Variants in CNTN3 observed in about 807,000 individuals in gnomAD.
CNTN3 encodes contactin 3, also known as contactin-3.
Under a neutral mutation model 119.1 loss-of-function variants are expected in CNTN3, and 60 were observed. That is an observed-to-expected ratio of 0.50 (90% CI 0.41 to 0.62). The LOEUF (loss-of-function observed/expected upper bound fraction) is 0.62, where lower values mean the gene tolerates loss of function less well. Among genes scored for constraint, CNTN3 ranks in the 20% least tolerant of loss-of-function variants. The pLI is 0.00. For synonymous variants in CNTN3, 450 were observed against 438.7 expected, an observed-to-expected ratio of 1.03 and a Z score of -0.32; for missense variants, 1,101 against 1,242.4, an observed-to-expected ratio of 0.89 and a Z score of 1.71.
At chr3:74,346,229 C>T (rs933094957) in intron 11 of CNTN3, among the ~76,000 whole-genome samples, 1 of 151,964 alleles carries the variant, frequency 6.6e-6, no homozygotes, top group Non-Finnish European at 1.5e-5. Context: ...CTACTATTTT[C>T]TTAAGTAAAT....
intron 1 of CNTN3, among the ~76,000 whole-genome samples, chr3:74,595,602 C>G (rs1273502849): frequency 6.6e-6 from 1 of 152,132 alleles, no homozygotes; most frequent in Admixed American, 6.6e-5. Context: ...ATGATTATCT[C>G]AATAGATGCA....
intron 11 of CNTN3, among the ~76,000 whole-genome samples, chr3:74,354,334 A>T (rs1443569047): frequency 6.6e-6 from 1 of 152,118 alleles, no homozygotes; most frequent in Non-Finnish European, 1.5e-5. Flanking sequence ...CATTCAAATG[A>T]AGGATCCCAT....
At chr3:74,497,300 G>A (rs751573367) in intron 3 of CNTN3, among the ~76,000 whole-genome samples, 1 of 151,846 alleles carries the variant, frequency 6.6e-6, no homozygotes, top group African/African-American at 2.4e-5. Context: ...GTGAAATATT[G>A]CCTAGCTGAA....
intron 5 of CNTN3, among the ~76,000 whole-genome samples, chr3:74,403,437 A>T (rs1705248117): frequency 6.6e-6 from 1 of 152,158 alleles, no homozygotes; most frequent in African/African-American, 2.4e-5. Flanking sequence ...GTCACAAAGC[A>T]CTAGGTGGTT....
At chr3:74,528,683 T>C (rs2107132493) in intron 1 of CNTN3, among the ~76,000 whole-genome samples, 1 of 152,030 alleles carries the variant, frequency 6.6e-6, no homozygotes, top group East Asian at 1.9e-4. Context: ...TAGATACCAA[T>C]GGAATGCTTA....
intron 1 of CNTN3, among the ~76,000 whole-genome samples, chr3:74,527,879 C>T (rs1703641881): frequency 1.3e-5 from 2 of 151,894 alleles, no homozygotes; most frequent in Admixed American, 1.3e-4. Flanking sequence ...AACAGTGTTG[C>T]AGGATTTTGA....
chr3:74,321,520 A>T (rs145790970), intron 13 of CNTN3, among the ~76,000 whole-genome samples: 8 of 152,084 alleles, frequency 5.3e-5, no homozygotes, highest in Non-Finnish European at 1.2e-4. Context: ...AATAGAGCAA[A>T]TCAGATCCAA....
chr3:74,369,105 A>G (rs1209955581), intron 8 of CNTN3, 84 bp downstream of exon 8: 3 of 1,024,754 alleles, frequency 2.9e-6, no homozygotes, highest in Non-Finnish European at 4.0e-6. Flanking sequence ...TTCTGCTATA[A>G]TCTCTCACCC....
intron 1 of CNTN3, among the ~76,000 whole-genome samples, chr3:74,565,574 G>A (rs759286600): frequency 1.3e-5 from 2 of 152,058 alleles, no homozygotes; most frequent in Non-Finnish European, 2.9e-5. Flanking sequence ...GACACATTTC[G>A]GGGACCATTA....
At chr3:74,271,696 G>C (rs974142530) in intron 20 of CNTN3, among the ~76,000 whole-genome samples, 1 of 152,098 alleles carries the variant, frequency 6.6e-6, no homozygotes, top group Non-Finnish European at 1.5e-5. Context: ...TAGAAGTTAC[G>C]CTTTGCACTT....
At chr3:74,411,327 T>C (rs1343138026) in intron 5 of CNTN3, among the ~76,000 whole-genome samples, 3 of 152,126 alleles carry the variant, frequency 2.0e-5, no homozygotes, top group Non-Finnish European at 4.4e-5. Flanking sequence ...AGAGGATATT[T>C]TGAAAATTAC....
At chr3:74,500,465 T>C (rs897956360) in intron 2 of CNTN3, among the ~76,000 whole-genome samples, 7 of 149,832 alleles carry the variant, frequency 4.7e-5, no homozygotes, top group African/African-American at 1.7e-4. Flanking sequence ...ACTGCAGTTG[T>C]ATAATCTTTG....
intron 4 of CNTN3, among the ~76,000 whole-genome samples, chr3:74,465,516 G>T (rs528230328): frequency 6.6e-6 from 1 of 152,126 alleles, no homozygotes; most frequent in African/African-American, 2.4e-5. Context: ...TTCTCTGCTG[G>T]TGTCTTCTAA....
rs1703428358 is a variant in CNTN3, at chr3:74,337,587, AG to A, written c.1365-930del. 3.3e-5 allele frequency among the ~76,000 whole-genome samples: 5 copies of A among 152,180 alleles called. No individual in the cohort carries two copies. In the South Asian group the frequency reaches 1.0e-3, roughly 32 times the overall value. On this transcript the variant is annotated intron_variant, in intron 11 of 22. Transcript: ENST00000263665. Reference sequence around the variant, plus strand: ...AAAGAGGAAACGAGAACCAAGTGAAAGGGGTTCCCCTTATAAAACCATCAAT... The same window carrying A: ...AAAGAGGAAACGAGAACCAAGTGAAAGGGTTCCCCTTATAAAACCATCAAT...
intron 13 of CNTN3, among the ~76,000 whole-genome samples, chr3:74,319,904 A>G (rs1377725434): frequency 6.6e-6 from 1 of 152,162 alleles, no homozygotes; most frequent in African/African-American, 2.4e-5. Flanking sequence ...GCAGCCAAAA[A>G]ACACATGAAA....
intron 2 of CNTN3, among the ~76,000 whole-genome samples, chr3:74,506,365 C>T (rs1264475012): frequency 6.6e-6 from 1 of 151,986 alleles, no homozygotes; most frequent in African/African-American, 2.4e-5. Context: ...TATATTTTTG[C>T]TTGTTGAAAT....
chr3:74,538,664 T>C (rs1703799154), intron 1 of CNTN3, among the ~76,000 whole-genome samples: 1 of 152,200 alleles, frequency 6.6e-6, no homozygotes, highest in Non-Finnish European at 1.5e-5. Flanking sequence ...ACATATTTTA[T>C]GCTATCAAGG....
At chr3:74,458,593 A>G (rs767500827) in intron 4 of CNTN3, among the ~76,000 whole-genome samples, 9 of 152,044 alleles carry the variant, frequency 5.9e-5, no homozygotes, top group Non-Finnish European at 1.2e-4. Flanking sequence ...GTCAGACTCT[A>G]AAAGCTATGT....
chr3:74,509,308 CCTTTCT>C (rs1274075496), intron 2 of CNTN3, among the ~76,000 whole-genome samples: 3 of 118,858 alleles, frequency 2.5e-5, no homozygotes, highest in African/African-American at 6.3e-5. Context: ...GTGCTCCTTT[CCTTTCT>C]TTTTTTTTTT....
Sources: gnomAD v4.1 joint callset for allele counts (sites outside exome capture counted in the v4.1 genomes callset) on GRCh38, gnomAD v4.1.1 for gene constraint, MANE v1.5 for transcripts, NCBI Gene and HGNC (gene_info 2026-07-23, HGNC 2026-07-21) for gene names.